SOX5: variants seen among roughly 807,000 people sequenced by gnomAD.
SOX5 encodes the protein SRY-box transcription factor 5.
A neutral mutation model predicts 92.0 loss-of-function variants in SOX5; 9 were observed. The observed-to-expected ratio is 0.10, with a 90% CI of 0.06 to 0.17. SOX5 has a LOEUF of 0.17. Ranked by LOEUF, SOX5 falls within the 10% of genes least tolerant of loss-of-function variation. The probability of loss-of-function intolerance (pLI) is 1.00; values close to 1 mark genes in which losing one functional copy is unlikely to be tolerated. For synonymous variants in SOX5, 344 were observed against 336.3 expected, an observed-to-expected ratio of 1.02 and a Z score of -0.25; for missense variants, 642 against 944.5, an observed-to-expected ratio of 0.68 and a Z score of 4.20.
intron 3 of SOX5, among the ~76,000 whole-genome samples, chr12:23,767,524 A>AT (rs2094777876): frequency 2.0e-5 from 3 of 152,188 alleles, no homozygotes; most frequent in Admixed American, 2.0e-4. Flanking sequence ...AGGACCAGAA[A>AT]TTACAAATCC....
At chr12:24,118,154 T>G (rs888733347) in intron 4 of SOX5, among the ~76,000 whole-genome samples, 1 of 152,070 alleles carries the variant, frequency 6.6e-6, no homozygotes, top group Non-Finnish European at 1.5e-5. Flanking sequence ...AGGTTTTAAT[T>G]ATACTGGGGG....
intron 3 of SOX5, among the ~76,000 whole-genome samples, chr12:23,815,408 T>C (rs892997433): frequency 3.9e-5 from 6 of 152,184 alleles, no homozygotes; most frequent in Non-Finnish European, 7.4e-5. Context: ...CAACCTTTTT[T>C]AAAATTTGGA....
intron 6 of SOX5, among the ~76,000 whole-genome samples, chr12:23,677,205 T>A (rs1009994043): frequency 1.2e-4 from 18 of 152,240 alleles, no homozygotes; most frequent in African/African-American, 4.3e-4. Flanking sequence ...TCCATTCTGC[T>A]CCTCAGATCC....
chr12:24,383,110 A>G (rs372920571), intron 1 of SOX5, among the ~76,000 whole-genome samples: 1 of 152,152 alleles, frequency 6.6e-6, no homozygotes, highest in Admixed American at 6.5e-5. Flanking sequence ...TGAGAATGCG[A>G]TCTCCCTATA....
intron 4 of SOX5, among the ~76,000 whole-genome samples, chr12:23,979,885 C>A (rs1275214423): frequency 2.8e-4 from 5 of 18,172 alleles, no homozygotes; most frequent in Non-Finnish European, 7.5e-4. Flanking sequence ...GCCTGGCTGG[C>A]TGGCTGGCTG....
chr12:24,002,515 C>A lies in SOX5; in HGVS notation c.-1-106491G>T, dbSNP rs1223835396. On this transcript the variant is annotated intron_variant, in intron 4 of 4. Coordinates refer to the SOX5 transcript ENST00000446891. ...AGACACAAATGATCAAAAAGTGGAT[C>A]AAGAAGAAACAGAAAATCTAAATCT... Among the ~76,000 whole-genome samples, 14 of 137,794 alleles carry A rather than the reference C, an allele frequency of 1.0e-4. No individual in the cohort carries two copies. The Admixed American group carries it at 1.0e-3, about 10-fold the overall frequency. 90.4% of individuals were successfully genotyped at this position (137,794 alleles called of 152,430 possible). A position where few individuals can be genotyped will look rare whatever the true frequency, so the allele number is the denominator to read the frequency against.
intron 1 of SOX5, 82 bp from the exon 2 acceptor site, chr12:23,896,106 T>A: frequency 1.1e-6 from 1 of 943,850 alleles, no homozygotes; most frequent in Non-Finnish European, 1.7e-6. Context: ...GGGGCCATTG[T>A]AACAGAAATG....
intron 3 of SOX5, among the ~76,000 whole-genome samples, chr12:23,778,166 C>T (rs928149325): frequency 2.6e-5 from 4 of 152,080 alleles, no homozygotes; most frequent in African/African-American, 7.2e-5. Flanking sequence ...AATGTGACTC[C>T]GTTGTATTTC....
intron 14 of SOX5, 47 bp from the exon 15 acceptor site, chr12:23,534,569 G>T (rs1404566837): frequency 6.8e-7 from 1 of 1,461,872 alleles, no homozygotes. Context: ...TAAGTGAATA[G>T]TTAGATGTGG....
intron 4 of SOX5, among the ~76,000 whole-genome samples, chr12:24,096,906 A>G (rs1945486448): frequency 6.6e-6 from 1 of 152,100 alleles, no homozygotes; most frequent in Non-Finnish European, 1.5e-5. Flanking sequence ...TAGAATTGCT[A>G]TCCCATATGG....
At chr12:24,243,587 T>C (rs1198642312) in intron 3 of SOX5, among the ~76,000 whole-genome samples, 1 of 152,238 alleles carries the variant, frequency 6.6e-6, no homozygotes, top group Admixed American at 6.5e-5. Context: ...TTACTTTTAA[T>C]GTATTGTTTA....
intron 2 of SOX5, among the ~76,000 whole-genome samples, chr12:24,350,303 T>TTTTG (rs1240950386): frequency 6.6e-6 from 1 of 152,136 alleles, no homozygotes; most frequent in African/African-American, 2.4e-5. Flanking sequence ...TTTGGTCATT[T>TTTTG]TTTGTTTGTT....
intron 11 of SOX5, among the ~76,000 whole-genome samples, chr12:23,556,971 G>A (rs961918426): frequency 5.3e-5 from 8 of 152,188 alleles, no homozygotes; most frequent in African/African-American, 4.8e-5. Context: ...GCTGCCATCC[G>A]ATACACTTAC....
intron 4 of SOX5, among the ~76,000 whole-genome samples, chr12:24,099,460 G>A (rs920193641): frequency 6.6e-6 from 1 of 152,176 alleles, no homozygotes. Flanking sequence ...CCTGAATTCG[G>A]ATGAAGGAGC....
At chr12:23,952,026 G>C (rs1945719534), upstream of SOX5, among the ~76,000 whole-genome samples, 1 of 152,070 alleles carries the variant, frequency 6.6e-6, no homozygotes, top group South Asian at 2.1e-4. Flanking sequence ...TTCTTCATTT[G>C]TTAATGGTTG....
At chr12:23,811,670 T>A (rs1286981145) in intron 3 of SOX5, among the ~76,000 whole-genome samples, 2 of 152,070 alleles carry the variant, frequency 1.3e-5, no homozygotes. Flanking sequence ...TTAGGGCTTT[T>A]AAAATGGTCA....
intron 6 of SOX5, among the ~76,000 whole-genome samples, chr12:23,673,975 T>C (rs530349626): frequency 6.6e-6 from 1 of 152,288 alleles, no homozygotes; most frequent in Admixed American, 6.5e-5. Context: ...TACAAAAATA[T>C]ATAACTTCAC....
At chr12:23,965,527 C>T (rs1947457205) in intron 4 of SOX5, among the ~76,000 whole-genome samples, 1 of 152,168 alleles carries the variant, frequency 6.6e-6, no homozygotes, top group Non-Finnish European at 1.5e-5. Flanking sequence ...GCTTCCCATC[C>T]TCTTGTGATA....
intron 4 of SOX5, among the ~76,000 whole-genome samples, chr12:24,123,448 A>G (rs1397531840): frequency 2.0e-5 from 3 of 152,202 alleles, no homozygotes; most frequent in Admixed American, 6.5e-5. Context: ...TATTTACAGG[A>G]ACATTTTTAT....
Sources: allele counts gnomAD v4.1 joint callset (sites outside exome capture counted in the v4.1 genomes callset), GRCh38; gene constraint gnomAD v4.1.1; transcripts MANE v1.5; gene names NCBI Gene and HGNC (gene_info 2026-07-23, HGNC 2026-07-21).